The following KIAA0319 variants were observed in gnomAD, a reference collection of about 807,000 sequenced individuals.
KIAA0319 encodes dyslexia-associated protein KIAA0319.
In KIAA0319, 83 loss-of-function variants were observed where a neutral mutation model predicts 108.4. The observed-to-expected ratio is 0.77, with a 90% CI of 0.64 to 0.92. The LOEUF is 0.92. Ranked by LOEUF, KIAA0319 falls within the 40% of genes least tolerant of loss-of-function variation. The pLI is 0.00. For synonymous variants in KIAA0319, 484 were observed against 510.4 expected, an observed-to-expected ratio of 0.95 and a Z score of 0.70; for missense variants, 1,195 against 1,322.4, an observed-to-expected ratio of 0.90 and a Z score of 1.49.
At chr6:24,631,394 G>T (rs1775565701) in intron 1 of KIAA0319, among the ~76,000 whole-genome samples, 1 of 152,188 alleles carries the variant, frequency 6.6e-6, no homozygotes, top group South Asian at 2.1e-4. Flanking sequence ...ACAGATAAGA[G>T]AACAATTGAA....
At chr6:24,621,701 T>G (rs1345324820) in intron 1 of KIAA0319, among the ~76,000 whole-genome samples, 3 of 152,094 alleles carry the variant, frequency 2.0e-5, no homozygotes, top group Non-Finnish European at 4.4e-5. Context: ...AAAATAAGAA[T>G]GGACATCATT....
rs1760724294 is a variant in KIAA0319, at chr6:24,547,087, G to C, written c.*78C>G. The C allele has an allele frequency of 7.1e-7, 1 of 1,416,976 alleles. No homozygotes were observed. Among genetic ancestry groups the C allele is most frequent in the East Asian group, 2.3e-5 (1 of 43,934 alleles). 87.8% of individuals were successfully genotyped at this position (1,416,976 alleles called of 1,614,324 possible). On this transcript the variant is annotated 3_prime_UTR_variant, in exon 21 of 21. Coordinates refer to ENST00000378214, the MANE Select transcript of KIAA0319 (RefSeq NM_014809.4). ...AGAAGGTCAATGAACTATTCTAAAA[G>C]AGTGGGTTTTGTGCTGTAACTCCCA...
intron 16 of KIAA0319, among the ~76,000 whole-genome samples, chr6:24,562,157 G>C (rs1415023968): frequency 1.3e-5 from 2 of 152,194 alleles, no homozygotes; most frequent in Non-Finnish European, 2.9e-5. Context: ...TATAAAGTCA[G>C]TAGTAATGTG....
intron 20 of KIAA0319, 150 bp downstream of exon 20, chr6:24,551,284 T>C (rs1316811163): frequency 1.6e-6 from 1 of 644,916 alleles, no homozygotes; most frequent in Admixed American, 2.7e-5. Context: ...TGAAGGTTGT[T>C]TTTCATCACA....
At chr6:24,621,158 G>A (rs188152930) in intron 1 of KIAA0319, among the ~76,000 whole-genome samples, 135 of 152,268 alleles carry the variant, frequency 8.9e-4, no homozygotes, top group African/African-American at 3.0e-3. Context: ...TAAGCCTCAA[G>A]GTCTTATTCT....
chr6:24,558,910 TG>T, intron 17 of KIAA0319, 102 bp downstream of exon 17: 1 of 1,141,490 alleles, frequency 8.8e-7, no homozygotes. Flanking sequence ...AGTCCCTGGA[TG>T]CTAAAGTGAA....
chr6:24,556,012 A>G (rs1762236422), intron 18 of KIAA0319, among the ~76,000 whole-genome samples: 1 of 152,234 alleles, frequency 6.6e-6, no homozygotes, highest in Non-Finnish European at 1.5e-5. Flanking sequence ...AACACATCCC[A>G]CAAAGTAGAT....
intron 1 of KIAA0319, among the ~76,000 whole-genome samples, chr6:24,644,685 G>A (rs1193200595): frequency 6.6e-6 from 1 of 151,350 alleles, no homozygotes; most frequent in Non-Finnish European, 1.5e-5. Flanking sequence ...CTCTCTTTTG[G>A]CTATTTTTAA....
intron 16 of KIAA0319, among the ~76,000 whole-genome samples, chr6:24,562,004 C>G (rs1373205837): frequency 6.6e-6 from 1 of 152,066 alleles, no homozygotes; most frequent in Admixed American, 6.5e-5. Flanking sequence ...CACCTGGCCA[C>G]CTGGCAAGTT....
At chr6:24,566,897 A>G in intron 13 of KIAA0319, 149 bp from the exon 14 acceptor site, 1 of 631,990 alleles carries the variant, frequency 1.6e-6, no homozygotes, top group East Asian at 3.0e-5. Flanking sequence ...TTTTCCCCAG[A>G]TGCATATAAG....
rs1562032993 is a variant in KIAA0319 at position 24,597,940 on chromosome 6, A to AAAAAAAAAAAAC, written c.56-1323_56-1322insGTTTTTTTTTTT. 6.9e-4 allele frequency: 101 copies of AAAAAAAAAAAAC among 147,076 alleles called. 2 individuals carry two copies. Among genetic ancestry groups the AAAAAAAAAAAAC allele is most frequent in the African/African-American group, 2.5e-3 (96 of 37,888 alleles). 9.1% of individuals were successfully genotyped at this position (147,076 alleles called of 1,614,324 possible). On this transcript the variant is annotated intron_variant, in intron 2 of 20. Coordinates refer to ENST00000378214, the MANE Select transcript of KIAA0319 (RefSeq NM_014809.4). ...CTCAAAAAAAAAAAAAAAAAAAAAA[A>AAAAAAAAAAAAC]AAAAAAAAAACCACCTAGAAGCATC...
At chr6:24,584,246 T>C (rs900940997) in intron 4 of KIAA0319, among the ~76,000 whole-genome samples, 3 of 152,074 alleles carry the variant, frequency 2.0e-5, no homozygotes, top group Admixed American at 6.6e-5. Context: ...AGCAGGAACA[T>C]TAACTCTTAT....
intron 18 of KIAA0319, among the ~76,000 whole-genome samples, chr6:24,556,137 TTTCTC>T (rs1206810176): frequency 3.3e-5 from 5 of 151,856 alleles, no homozygotes; most frequent in Non-Finnish European, 5.9e-5. Context: ...TTTTCTATCT[TTTCTC>T]TTTTCTTTCC....
intron 1 of KIAA0319, among the ~76,000 whole-genome samples, chr6:24,606,275 T>A (rs1262325997): frequency 1.3e-5 from 2 of 152,180 alleles, no homozygotes; most frequent in African/African-American, 4.8e-5. Flanking sequence ...TCTGGCCATA[T>A]CCTGTTCCTC....
rs374198403 is a variant in KIAA0319 at position 24,569,248 on chromosome 6, T to A, written c.1992-319A>T. Among the ~76,000 whole-genome samples, 35 of 152,252 alleles carry A rather than the reference T, an allele frequency of 2.3e-4. No homozygotes were observed. The South Asian group carries it at 3.3e-3, about 14-fold the overall frequency. On this transcript the variant is annotated intron_variant, in intron 12 of 20. Coordinates refer to ENST00000378214, the MANE Select transcript of KIAA0319 (RefSeq NM_014809.4). ...ACTCCCATTTCTTCTTTGAATAAAA[T>A]TAGGTGAAATCCTCATCTATCTTTA... is the stretch of plus-strand genomic sequence containing the variant.
chr6:24,643,028 T>C (rs1777167905), intron 1 of KIAA0319, among the ~76,000 whole-genome samples: 1 of 152,148 alleles, frequency 6.6e-6, no homozygotes, highest in Non-Finnish European at 1.5e-5. Flanking sequence ...TTTTTTGAAC[T>C]TAAGGAAAAG....
At chr6:24,543,551 C>T (rs1268036843), downstream of KIAA0319, among the ~76,000 whole-genome samples, 2 of 152,274 alleles carry the variant, frequency 1.3e-5, no homozygotes, top group African/African-American at 4.8e-5. Context: ...CCTCAGCCTC[C>T]TGAGTAGCTG....
At chr6:24,584,380 G>A (rs1031368517) in intron 4 of KIAA0319, among the ~76,000 whole-genome samples, 1 of 136,880 alleles carries the variant, frequency 7.3e-6, no homozygotes, top group African/African-American at 2.7e-5. Context: ...AGTTTCACTT[G>A]TAAAATATAT....
At chr6:24,574,090 G>A (rs1765128646) in intron 10 of KIAA0319, among the ~76,000 whole-genome samples, 2 of 151,904 alleles carry the variant, frequency 1.3e-5, no homozygotes, top group Non-Finnish European at 2.9e-5. Context: ...ACTCCAGCCT[G>A]GGCCACAGAG....
Sources: allele counts gnomAD v4.1 joint callset (sites outside exome capture counted in the v4.1 genomes callset), GRCh38; gene constraint gnomAD v4.1.1; transcripts MANE v1.5; gene names NCBI Gene and HGNC (gene_info 2026-07-23, HGNC 2026-07-21).